PEX5L: variants seen among roughly 807,000 people sequenced by gnomAD.
PEX5L encodes peroxisomal biogenesis factor 5 like, also known as PEX5-related protein.
Under a neutral mutation model 84.0 loss-of-function variants are expected in PEX5L, and 30 were observed. The ratio of observed to expected loss-of-function variants is 0.36; its 90% CI spans 0.27 to 0.48. The LOEUF (loss-of-function observed/expected upper bound fraction) is 0.48. PEX5L is among the 20% of genes least tolerant of loss of function. The pLI, the probability that PEX5L is intolerant of heterozygous loss-of-function variation, is 0.99. For synonymous variants in PEX5L, 270 were observed against 283.1 expected (o/e 0.95, Z 0.46); for missense variants, 533 against 754.6 (o/e 0.71, Z 3.44).
intron 7 of PEX5L, among the ~76,000 whole-genome samples, chr3:179,863,774 C>G (rs910988141): frequency 1.9e-4 from 29 of 152,056 alleles, no homozygotes; most frequent in African/African-American, 7.0e-4. Context: ...GGACGAGGGT[C>G]CTCAATAAAC....
At chr3:180,011,235 G>A (rs1287837707) in intron 1 of PEX5L, among the ~76,000 whole-genome samples, 1 of 152,160 alleles carries the variant, frequency 6.6e-6, no homozygotes, top group Non-Finnish European at 1.5e-5. Context: ...ACAATTTTGT[G>A]GCAGATGAAA....
In PEX5L at chr3:179,819,844, G is replaced by A. The variant is rs749732737; in HGVS notation, c.939+16C>T. The A allele has an allele frequency of 3.1e-6, 5 of 1,611,508 alleles. No individual in the cohort carries two copies. In the East Asian group the frequency reaches 1.1e-4, roughly 36 times the overall value. ...GGAGAAAAGTAGTCAGCATGTATAGGAACAGAATTGGTTACCTTCTCACTA... is the reference window on the plus strand; with the variant it reads ...GGAGAAAAGTAGTCAGCATGTATAGAAACAGAATTGGTTACCTTCTCACTA... On this transcript the variant is annotated intron_variant, in intron 9 of 14. Transcript: ENST00000467460.
Position 179,920,685 on chromosome 3 carries a change from G to A in PEX5L, c.94-22439C>T, listed in dbSNP as rs572825057. ...GAATACATATCTATTCTCAAGACAC[G>A]CCTTAGTAAACTTTTCACATCTTTA... On this transcript the variant is annotated intron_variant, in intron 2 of 14. Transcript: ENST00000467460. 5.9e-5 allele frequency among the ~76,000 whole-genome samples: 9 copies of A among 152,092 alleles called. No individual in the cohort carries two copies. In the South Asian group the frequency reaches 8.3e-4, roughly 14 times the overall value.
At chr3:179,830,090 C>A (rs146612058) in intron 8 of PEX5L, among the ~76,000 whole-genome samples, 2 of 151,774 alleles carry the variant, frequency 1.3e-5, no homozygotes, top group Non-Finnish European at 1.5e-5. Flanking sequence ...AGCCACCGCC[C>A]GGCCTTAAAC....
chr3:179,888,031 C>G, intron 3 of PEX5L: 2 of 891,178 alleles, frequency 2.2e-6, no homozygotes, highest in Non-Finnish European at 3.4e-6. Flanking sequence ...TTCCTCCCCC[C>G]TCCTGAAATA....
At chr3:180,032,895 CT>C (rs1266142501) in intron 1 of PEX5L, among the ~76,000 whole-genome samples, 2 of 152,092 alleles carry the variant, frequency 1.3e-5, no homozygotes, top group Non-Finnish European at 2.9e-5. Context: ...AAAAGTGGAT[CT>C]GTTAGAGAGG....
intron 7 of PEX5L, among the ~76,000 whole-genome samples, chr3:179,870,585 TGTCTGTTCTTCA>T (rs1284201195): frequency 3.3e-5 from 5 of 152,202 alleles, no homozygotes; most frequent in African/African-American, 7.2e-5. Flanking sequence ...ACCAGGCTAT[TGTCTGTTCTTCA>T]GGCCCCTTCA....
chr3:179,951,852 T>C (rs1779177952), intron 2 of PEX5L, among the ~76,000 whole-genome samples: 1 of 152,226 alleles, frequency 6.6e-6, no homozygotes, highest in Admixed American at 6.5e-5. Context: ...ATGGAGGTGA[T>C]GACGATGAAA....
rs539682238 is a variant in PEX5L at position 179,912,099 on chromosome 3, T to C, written c.94-13853A>G. Reference sequence around the variant, plus strand: ...GTATTGGATCATTTCTACTCTTTACTGGGCATGAAACATGATTGCCTGTAT... The same window carrying C: ...GTATTGGATCATTTCTACTCTTTACCGGGCATGAAACATGATTGCCTGTAT... On this transcript the variant is annotated intron_variant, in intron 2 of 14. Coordinates refer to ENST00000467460, the MANE Select transcript of PEX5L (RefSeq NM_016559.3). Among the ~76,000 whole-genome samples, 7 of 152,282 alleles carry C rather than the reference T, an allele frequency of 4.6e-5. No individual in the cohort carries two copies. The South Asian group carries it at 1.2e-3, about 27-fold the overall frequency.
intron 1 of PEX5L, among the ~76,000 whole-genome samples, chr3:180,027,199 T>C (rs1791038300): frequency 6.6e-6 from 1 of 152,210 alleles, no homozygotes; most frequent in Non-Finnish European, 1.5e-5. Flanking sequence ...CTGTTCTTTG[T>C]ACTGTGAAGG....
chr3:179,930,945 C>T (rs1019275880), intron 2 of PEX5L, among the ~76,000 whole-genome samples: 1 of 152,018 alleles, frequency 6.6e-6, no homozygotes, highest in Non-Finnish European at 1.5e-5. Flanking sequence ...TATTGAGTTC[C>T]TTGAGGAAGG....
At chr3:180,006,163 C>A (rs1561052958) in intron 1 of PEX5L, among the ~76,000 whole-genome samples, 2 of 152,194 alleles carry the variant, frequency 1.3e-5, no homozygotes, top group African/African-American at 4.8e-5. Context: ...ATTAACAAAA[C>A]CTCTCTGTAT....
chr3:179,904,658 T>C (rs1246597402), intron 2 of PEX5L, among the ~76,000 whole-genome samples: 1 of 152,200 alleles, frequency 6.6e-6, no homozygotes, highest in Admixed American at 6.5e-5. Context: ...GTACTTATTA[T>C]TACATATTAA....
chr3:179,892,013 T>C (rs1457465943), intron 3 of PEX5L, among the ~76,000 whole-genome samples: 1 of 152,154 alleles, frequency 6.6e-6, no homozygotes, highest in Non-Finnish European at 1.5e-5. Context: ...GAACTTCTCT[T>C]ATTTTGTCTT....
At chr3:179,848,565 AAAAAG>A (rs1218387945) in intron 8 of PEX5L, among the ~76,000 whole-genome samples, 6 of 151,904 alleles carry the variant, frequency 3.9e-5, no homozygotes, top group African/African-American at 1.2e-4. Context: ...AAAAAAAAAA[AAAAAG>A]AAAAGAAGAA....
At chr3:179,845,170 A>T (rs1738837607) in intron 8 of PEX5L, among the ~76,000 whole-genome samples, 1 of 152,178 alleles carries the variant, frequency 6.6e-6, no homozygotes, top group Non-Finnish European at 1.5e-5. Flanking sequence ...TGTGGGAAAC[A>T]ATTTGTGTCT....
intron 2 of PEX5L, among the ~76,000 whole-genome samples, chr3:179,944,522 G>A (rs1402734678): frequency 1.3e-5 from 2 of 152,184 alleles, no homozygotes; most frequent in Non-Finnish European, 2.9e-5. Flanking sequence ...AACATGGCCT[G>A]GCAGAGACCA....
intron 8 of PEX5L, among the ~76,000 whole-genome samples, chr3:179,844,662 AC>A (rs1738609388): frequency 1.3e-5 from 2 of 152,086 alleles, no homozygotes; most frequent in Admixed American, 6.6e-5. Flanking sequence ...CCCTGTCTCT[AC>A]TAAAAATACA....
chr3:179,944,542 T>A (rs1380875180), intron 2 of PEX5L, among the ~76,000 whole-genome samples: 2 of 152,258 alleles, frequency 1.3e-5, no homozygotes, highest in Non-Finnish European at 2.9e-5. Flanking sequence ...AGGAGCTTAA[T>A]AAATGTCAGT....
Sources: gnomAD v4.1 joint callset for allele counts (sites outside exome capture counted in the v4.1 genomes callset) on GRCh38, gnomAD v4.1.1 for gene constraint, MANE v1.5 for transcripts, NCBI Gene and HGNC (gene_info 2026-07-23, HGNC 2026-07-21) for gene names.